Variants in HMGCLL1 observed in about 807,000 individuals in gnomAD.
HMGCLL1 encodes 3-hydroxymethyl-3-methylglutaryl-CoA lyase, cytoplasmic.
A neutral mutation model predicts 39.1 loss-of-function variants in HMGCLL1; 36 were observed. That is an observed-to-expected ratio of 0.92 (90% CI 0.71 to 1.22). The LOEUF is 1.22. Among genes scored for constraint, HMGCLL1 ranks in the 50% most tolerant of loss-of-function variants. The pLI, the probability that HMGCLL1 is intolerant of heterozygous loss-of-function variation, is 0.00. For missense variants in HMGCLL1, 451 were observed against 416.5 expected, an observed-to-expected ratio of 1.08 and a Z score of -0.72; for synonymous variants, 149 against 144.0, an observed-to-expected ratio of 1.03 and a Z score of -0.25.
chr6:55,498,951 C>T (rs143986673), intron 6 of HMGCLL1, among the ~76,000 whole-genome samples: 1,898 of 149,226 alleles, frequency 0.013, 29 homozygotes, highest in African/African-American at 0.043. Flanking sequence ...CCACTCACTA[C>T]GTTATAGCCA....
At chr6:55,455,390 A>G (rs1764280395) in intron 7 of HMGCLL1, among the ~76,000 whole-genome samples, 1 of 152,128 alleles carries the variant, frequency 6.6e-6, no homozygotes, top group South Asian at 2.1e-4. Context: ...CACTAGAAAT[A>G]GTCCAGTTGA....
At chr6:55,652,762 G>A in the HMGCLL1 span, among the ~76,000 whole-genome samples, 2 of 152,000 alleles carry the variant, frequency 1.3e-5, no homozygotes, top group African/African-American at 4.8e-5. Context: ...GTCTACTTGG[G>A]AAAACAAGGG....
chr6:55,489,071 T>C (rs1410793978), intron 7 of HMGCLL1, among the ~76,000 whole-genome samples: 1 of 152,042 alleles, frequency 6.6e-6, no homozygotes, highest in East Asian at 1.9e-4. Flanking sequence ...GCCAATTCAA[T>C]CCAATGTTCC....
At chr6:55,620,036 G>C in the HMGCLL1 span, among the ~76,000 whole-genome samples, 1 of 152,004 alleles carries the variant, frequency 6.6e-6, no homozygotes, top group Admixed American at 6.6e-5. Flanking sequence ...TTTTTTCTGA[G>C]AGTACTCCAT....
At chr6:55,655,169 T>C in the HMGCLL1 span, among the ~76,000 whole-genome samples, 1 of 152,016 alleles carries the variant, frequency 6.6e-6, no homozygotes, top group Admixed American at 6.6e-5. Context: ...ATTTTCAACC[T>C]ACTCTACTTT....
At chr6:55,569,663 G>A (rs2127475281) in intron 1 of HMGCLL1, among the ~76,000 whole-genome samples, 1 of 152,228 alleles carries the variant, frequency 6.6e-6, no homozygotes, top group Non-Finnish European at 1.5e-5. Flanking sequence ...GGTTCATATT[G>A]AGCGTTCAGT....
At chr6:55,633,909 C>A in the HMGCLL1 span, among the ~76,000 whole-genome samples, 1 of 152,078 alleles carries the variant, frequency 6.6e-6, no homozygotes, top group African/African-American at 2.4e-5. Flanking sequence ...CCTCAAGTAT[C>A]CGAAACATTC....
chr6:55,560,311 A>G (rs1225763762), intron 1 of HMGCLL1, among the ~76,000 whole-genome samples: 1 of 152,168 alleles, frequency 6.6e-6, no homozygotes, highest in African/African-American at 2.4e-5. Context: ...ATGTCTTTGC[A>G]ACTCTAGGAA....
At chr6:55,575,996 A>G (rs996412139) in intron 1 of HMGCLL1, among the ~76,000 whole-genome samples, 1 of 152,218 alleles carries the variant, frequency 6.6e-6, no homozygotes, top group Non-Finnish European at 1.5e-5. Flanking sequence ...GTTCATTCAA[A>G]AAGTATTATT....
intron 7 of HMGCLL1, among the ~76,000 whole-genome samples, chr6:55,475,520 C>T (rs1485650677): frequency 1.3e-5 from 2 of 151,582 alleles, no homozygotes; most frequent in Non-Finnish European, 3.0e-5. Context: ...TCTGATAGAT[C>T]CAAGAAAAGT....
the HMGCLL1 span, among the ~76,000 whole-genome samples, chr6:55,639,180 A>G: frequency 4.6e-5 from 7 of 152,152 alleles, no homozygotes; most frequent in South Asian, 1.5e-3. Context: ...TGACTGACAT[A>G]TAGTGCCATC....
the HMGCLL1 span, among the ~76,000 whole-genome samples, chr6:55,622,496 C>T: frequency 4.6e-5 from 7 of 152,024 alleles, no homozygotes; most frequent in South Asian, 2.1e-4. Context: ...TGAATTTTAT[C>T]GAATGCTGTT....
chr6:55,530,067 G>C (rs901165200), intron 3 of HMGCLL1, among the ~76,000 whole-genome samples: 12 of 84,920 alleles, frequency 1.4e-4, no homozygotes, highest in African/African-American at 4.0e-4. Flanking sequence ...AGGATCTGGT[G>C]GGGGGTTGGG....
At chr6:55,526,586 A>G (rs1768332366) in intron 3 of HMGCLL1, among the ~76,000 whole-genome samples, 1 of 151,976 alleles carries the variant, frequency 6.6e-6, no homozygotes, top group Non-Finnish European at 1.5e-5. Flanking sequence ...ATTCGAATTC[A>G]CTTTGAATTC....
At chr6:55,623,255 T>C in the HMGCLL1 span, among the ~76,000 whole-genome samples, 1 of 152,034 alleles carries the variant, frequency 6.6e-6, no homozygotes, top group African/African-American at 2.4e-5. Context: ...TTATTTCTGC[T>C]CTGATCATTG....
At chr6:55,656,839 G>A in the HMGCLL1 span, among the ~76,000 whole-genome samples, 24 of 151,946 alleles carry the variant, frequency 1.6e-4, 1 homozygote, top group Non-Finnish European at 1.5e-5. Context: ...AGGGCAATGA[G>A]TGAATGTTGA....
chr6:55,650,076 T>TAC, the HMGCLL1 span, among the ~76,000 whole-genome samples: 19 of 97,044 alleles, frequency 2.0e-4, no homozygotes, highest in South Asian at 1.1e-3. Flanking sequence ...TATATATATA[T>TAC]ACACACACAT....
chr6:55,654,633 AGTAAGTG>A, the HMGCLL1 span, among the ~76,000 whole-genome samples: 1 of 151,898 alleles, frequency 6.6e-6, no homozygotes, highest in African/African-American at 2.4e-5. Context: ...TTTGACTTCC[AGTAAGTG>A]CTTGATCAGC....
At chr6:55,638,256 A>G in the HMGCLL1 span, among the ~76,000 whole-genome samples, 2 of 151,810 alleles carry the variant, frequency 1.3e-5, no homozygotes, top group East Asian at 3.9e-4. Flanking sequence ...AAATACAAAA[A>G]ATTAGCTGGG....
Sources: gnomAD v4.1 joint callset for allele counts (sites outside exome capture counted in the v4.1 genomes callset) on GRCh38, gnomAD v4.1.1 for gene constraint, MANE v1.5 for transcripts, NCBI Gene and HGNC (gene_info 2026-07-23, HGNC 2026-07-21) for gene names.